LSAMP: variants seen among roughly 807,000 people sequenced by gnomAD.
The protein encoded by LSAMP is limbic system associated membrane protein.
Under a neutral mutation model 38.6 loss-of-function variants are expected in LSAMP, and 7 were observed. The observed-to-expected ratio is 0.18, with a 90% confidence interval of 0.10 to 0.34. The LOEUF (loss-of-function observed/expected upper bound fraction) is 0.34. Among genes scored for constraint, LSAMP ranks in the 10% least tolerant of loss-of-function variants. The pLI is 1.00. For missense variants in LSAMP, 313 were observed against 420.0 expected (o/e 0.75, Z 2.23); for synonymous variants, 154 against 166.8 (o/e 0.92, Z 0.59).
chr3:116,350,338 C>T (rs189762652), intron 1 of LSAMP, among the ~76,000 whole-genome samples: 1 of 152,068 alleles, frequency 6.6e-6, no homozygotes, highest in Non-Finnish European at 1.5e-5. Flanking sequence ...AAACTATGTA[C>T]CCCATATGAC....
chr3:116,357,233 C>A (rs1283614566), intron 1 of LSAMP, among the ~76,000 whole-genome samples: 1 of 152,148 alleles, frequency 6.6e-6, no homozygotes, highest in African/African-American at 2.4e-5. Flanking sequence ...TGTGAAAAAA[C>A]TATAATTTTA....
chr3:115,878,670 C>T (rs1176868256), intron 3 of LSAMP, among the ~76,000 whole-genome samples: 2 of 151,638 alleles, frequency 1.3e-5, no homozygotes, highest in African/African-American at 2.4e-5. Context: ...TCATGTTGGC[C>T]CGGCTGCTCT....
In LSAMP at chr3:116,159,799, C is replaced by A. The variant is rs112424343; in HGVS notation, c.156-73243G>T. ...TGCTTATGTTCACTGCAGCACTGTT[C>A]ACAATAGCAAAGATGTGAAACAACC... On this transcript the variant is annotated intron_variant, in intron 1 of 6. Coordinates refer to ENST00000490035, the MANE Select transcript of LSAMP (RefSeq NM_002338.5). 9.7e-3 allele frequency among the ~76,000 whole-genome samples: 1,479 copies of A among 152,174 alleles called. 25 individuals are homozygous for A. Among genetic ancestry groups the A allele is most frequent in the African/African-American group, 0.032 (1,324 of 41,502 alleles).
At chr3:116,383,856 A>G (rs1285640448) in intron 1 of LSAMP, among the ~76,000 whole-genome samples, 1 of 152,110 alleles carries the variant, frequency 6.6e-6, no homozygotes, top group East Asian at 1.9e-4. Flanking sequence ...TTGACAGATC[A>G]TTATGAGAAC....
chr3:115,854,279 ATTATTT>A (rs1357290200), intron 3 of LSAMP, among the ~76,000 whole-genome samples: 37 of 116,366 alleles, frequency 3.2e-4, no homozygotes, highest in African/African-American at 4.8e-4. Flanking sequence ...TATTATTATT[ATTATTT>A]TTTTTTTTTT....
intron 3 of LSAMP, among the ~76,000 whole-genome samples, chr3:115,890,454 T>G (rs1310891554): frequency 1.3e-5 from 2 of 151,928 alleles, no homozygotes; most frequent in African/African-American, 4.8e-5. Flanking sequence ...TAAGCCTCTC[T>G]TACAGACCAC....
At chr3:116,103,712 C>T (rs955283619) in intron 1 of LSAMP, among the ~76,000 whole-genome samples, 1 of 151,788 alleles carries the variant, frequency 6.6e-6, no homozygotes, top group Admixed American at 6.6e-5. Flanking sequence ...CTAAATAAGA[C>T]CTTGTGCCAT....
At chr3:115,926,470 G>C (rs1937501442) in intron 3 of LSAMP, among the ~76,000 whole-genome samples, 1 of 152,200 alleles carries the variant, frequency 6.6e-6, no homozygotes, top group South Asian at 2.1e-4. Flanking sequence ...CATGAGAACA[G>C]ATAAAATTTT....
intron 1 of LSAMP, among the ~76,000 whole-genome samples, chr3:116,117,254 G>A (rs898611403): frequency 3.9e-5 from 6 of 152,134 alleles, no homozygotes; most frequent in African/African-American, 1.4e-4. Flanking sequence ...AGGCTCCACT[G>A]CAGGGTGACC....
In LSAMP at chr3:116,117,931, GTA is replaced by G. The variant is rs201273238; in HGVS notation, c.156-31377_156-31376del. Among the ~76,000 whole-genome samples, 1,458 of 149,510 alleles carry G rather than the reference GTA, an allele frequency of 9.8e-3. 24 individuals are homozygous for G. The highest frequency in any genetic ancestry group is 0.034 in the African/African-American group (1,326 of 39,064). On this transcript the variant is annotated intron_variant, in intron 1 of 6. Coordinates refer to ENST00000490035, the MANE Select transcript of LSAMP (RefSeq NM_002338.5). ...GTATGGACTCAAGAATATTTATTTC[GTA>G]TATCTTTTTTTTTTAAGATTGTTTT...
intron 3 of LSAMP, among the ~76,000 whole-genome samples, chr3:115,952,854 A>G (rs887478238): frequency 1.3e-5 from 2 of 152,222 alleles, no homozygotes; most frequent in Non-Finnish European, 2.9e-5. Flanking sequence ...GAAAAAAATC[A>G]GTTCAAGATG....
At chr3:116,168,749 G>C (rs1430284393) in intron 1 of LSAMP, among the ~76,000 whole-genome samples, 1 of 152,120 alleles carries the variant, frequency 6.6e-6, no homozygotes, top group Non-Finnish European at 1.5e-5. Context: ...TAATGCTTAG[G>C]ATAAATCAAG....
intron 3 of LSAMP, among the ~76,000 whole-genome samples, chr3:115,906,032 C>A (rs938911547): frequency 6.6e-6 from 1 of 152,114 alleles, no homozygotes; most frequent in Non-Finnish European, 1.5e-5. Context: ...CCTCTGACCA[C>A]TGGACCTTGA....
chr3:116,257,026 C>T (rs143692375), intron 1 of LSAMP, among the ~76,000 whole-genome samples: 30 of 152,318 alleles, frequency 2.0e-4, no homozygotes, highest in African/African-American at 7.2e-4. Context: ...CACTTCTGGG[C>T]AAGACCCTGA....
chr3:116,158,000 A>C (rs1317600387), intron 1 of LSAMP, among the ~76,000 whole-genome samples: 3 of 152,192 alleles, frequency 2.0e-5, no homozygotes, highest in Non-Finnish European at 4.4e-5. Context: ...CAAAAGATTA[A>C]TCCACCGTGA....
chr3:116,401,117 C>G (rs2048835748), intron 1 of LSAMP, among the ~76,000 whole-genome samples: 1 of 152,208 alleles, frequency 6.6e-6, no homozygotes, highest in Admixed American at 6.5e-5. Context: ...TAAGGGCTAA[C>G]AACAAACTAT....
At chr3:115,947,417 A>T (rs1363329288) in intron 3 of LSAMP, among the ~76,000 whole-genome samples, 2 of 152,204 alleles carry the variant, frequency 1.3e-5, no homozygotes, top group Admixed American at 6.5e-5. Context: ...TGAGTGAAAG[A>T]TGTCAAACAC....
intron 2 of LSAMP, among the ~76,000 whole-genome samples, chr3:116,064,795 A>G (rs1707370708): frequency 6.6e-6 from 1 of 152,186 alleles, no homozygotes. Context: ...AAACTCCAGC[A>G]CAAAAGGTAA....
chr3:116,284,025 A>AAATT (rs1333560906), intron 1 of LSAMP, among the ~76,000 whole-genome samples: 3 of 152,158 alleles, frequency 2.0e-5, no homozygotes, highest in Non-Finnish European at 4.4e-5. Context: ...TAAATAAATA[A>AAATT]AATTAAAAAA....
Sources: allele counts gnomAD v4.1 joint callset (sites outside exome capture counted in the v4.1 genomes callset), GRCh38; gene constraint gnomAD v4.1.1; transcripts MANE v1.5; gene names NCBI Gene and HGNC (gene_info 2026-07-23, HGNC 2026-07-21).